Variants in NAA11 observed in about 807,000 individuals in gnomAD.
NAA11 encodes the protein N-alpha-acetyltransferase 11.
A neutral mutation model predicts 16.1 loss-of-function variants in NAA11; 15 were observed. The observed-to-expected ratio is 0.93, with a 90% CI of 0.62 to 1.44. The LOEUF (loss-of-function observed/expected upper bound fraction) is 1.44. Ranked by LOEUF, NAA11 falls within the 40% of genes most tolerant of loss-of-function variation. The pLI, the probability that NAA11 is intolerant of heterozygous loss-of-function variation, is 0.00. For missense variants in NAA11, 298 were observed against 291.3 expected, an observed-to-expected ratio of 1.02 and a Z score of -0.17; for synonymous variants, 122 against 112.4, an observed-to-expected ratio of 1.09 and a Z score of -0.54.
At chr4:79,164,780 T>C in the NAA11 span, among the ~76,000 whole-genome samples, 4 of 152,186 alleles carry the variant, frequency 2.6e-5, no homozygotes, top group African/African-American at 9.7e-5. Context: ...GTTAACAGAA[T>C]GTATCTACCT....
intron 2 of NAA11, among the ~76,000 whole-genome samples, chr4:79,237,283 C>T (rs1721590425): frequency 6.6e-6 from 1 of 152,120 alleles, no homozygotes; most frequent in Non-Finnish European, 1.5e-5. Flanking sequence ...CTGAAAACAG[C>T]CACTCCTAGC....
At chr4:79,200,192 G>T in the NAA11 span, among the ~76,000 whole-genome samples, 147 of 151,894 alleles carry the variant, frequency 9.7e-4, no homozygotes, top group African/African-American at 3.4e-3. Flanking sequence ...AGTTCCTCCC[G>T]TTTTAAAATG....
chr4:79,237,560 C>T (rs1412332116), intron 2 of NAA11, among the ~76,000 whole-genome samples: 1 of 152,134 alleles, frequency 6.6e-6, no homozygotes, highest in Non-Finnish European at 1.5e-5. Flanking sequence ...ACACTGACAC[C>T]TATCACCTTT....
At chr4:79,310,112 T>C (rs1458484457) in intron 1 of NAA11, among the ~76,000 whole-genome samples, 1 of 152,192 alleles carries the variant, frequency 6.6e-6, no homozygotes, top group Non-Finnish European at 1.5e-5. Flanking sequence ...CATTCGTGCT[T>C]TTACTTGAGC....
chr4:79,303,081 T>TAG (rs1723450993), intron 1 of NAA11, among the ~76,000 whole-genome samples: 1 of 15,808 alleles, frequency 6.3e-5, no homozygotes, highest in African/African-American at 2.2e-4. Flanking sequence ...GCCTTTTATA[T>TAG]ATATATATAT....
At chr4:79,301,295 T>G (rs1723373809) in intron 1 of NAA11, among the ~76,000 whole-genome samples, 1 of 152,244 alleles carries the variant, frequency 6.6e-6, no homozygotes, top group African/African-American at 2.4e-5. Context: ...CTTGCTTCTC[T>G]ACCTTGTTGA....
At chr4:79,197,445 C>T in the NAA11 span, 1 of 152,034 alleles carries the variant, frequency 6.6e-6, no homozygotes, top group East Asian at 1.9e-4. Context: ...GTGAAGGGTA[C>T]TTTCTTATGC....
At chr4:79,161,307 G>A in the NAA11 span, among the ~76,000 whole-genome samples, 5,773 of 152,020 alleles carry the variant, frequency 0.038, 378 homozygotes, top group African/African-American at 0.13. Flanking sequence ...GAATCCTGGA[G>A]CCCTTGTCAA....
At chr4:79,318,944 G>A (rs1033132240) in intron 1 of NAA11, among the ~76,000 whole-genome samples, 3 of 151,850 alleles carry the variant, frequency 2.0e-5, no homozygotes, top group East Asian at 1.9e-4. Context: ...TTGAGACAGG[G>A]TCTTGCTCTG....
At chr4:79,251,067 C>T (rs75447493) in intron 2 of NAA11, among the ~76,000 whole-genome samples, 1,710 of 152,242 alleles carry the variant, frequency 0.011, 21 homozygotes, top group Non-Finnish European at 0.016. Flanking sequence ...AGCAGTTTGG[C>T]GAGTTCTCAA....
At chr4:79,293,716 G>C (rs1723144146) in intron 2 of NAA11, among the ~76,000 whole-genome samples, 1 of 152,148 alleles carries the variant, frequency 6.6e-6, no homozygotes, top group Non-Finnish European at 1.5e-5. Flanking sequence ...GAACAAGTGA[G>C]AAATCGAATG....
At chr4:79,315,001 G>T (rs1652176669), downstream of NAA11, among the ~76,000 whole-genome samples, 1 of 151,898 alleles carries the variant, frequency 6.6e-6, no homozygotes. Flanking sequence ...TTAAGAAGGG[G>T]AATCTGAATT....
chr4:79,236,184 A>G (rs185518155), intron 2 of NAA11, among the ~76,000 whole-genome samples: 1 of 152,306 alleles, frequency 6.6e-6, no homozygotes, highest in Admixed American at 6.5e-5. Context: ...ATGCAAAGAC[A>G]AAGTATTGAC....
At chr4:79,283,773 T>C (rs1024997165) in intron 2 of NAA11, among the ~76,000 whole-genome samples, 1 of 152,138 alleles carries the variant, frequency 6.6e-6, no homozygotes, top group African/African-American at 2.4e-5. Context: ...AGGAGAGATA[T>C]AATTTTGCAA....
In NAA11 at chr4:79,285,846, A is replaced by G. The variant is rs4246720; in HGVS notation, c.*122+8159T>C. Among the ~76,000 whole-genome samples, 1,296 of 152,162 alleles carry G rather than the reference A, an allele frequency of 8.5e-3. 18 individuals carry two copies. The highest frequency in any genetic ancestry group is 0.03 in the African/African-American group (1,252 of 41,532). On this transcript the variant is annotated intron_variant and NMD_transcript_variant, in intron 2 of 2. Coordinates refer to the NAA11 transcript ENST00000511542. ...GGCTGTTAATAATACAAACACTTCA[A>G]TGTTGGAAGCTTTGGTAGAATGATA...
intron 2 of NAA11, among the ~76,000 whole-genome samples, chr4:79,248,121 G>C (rs1696816128): frequency 6.6e-6 from 1 of 152,130 alleles, no homozygotes; most frequent in Admixed American, 6.5e-5. Context: ...CTAGGGCCCT[G>C]GCCTGACCAC....
At chr4:79,248,584 A>G (rs112816478) in intron 2 of NAA11, among the ~76,000 whole-genome samples, 8,303 of 152,182 alleles carry the variant, frequency 0.055, 762 homozygotes, top group African/African-American at 0.19. Context: ...CACTTTCACC[A>G]GTGCTCTACC....
intron 2 of NAA11, among the ~76,000 whole-genome samples, chr4:79,269,633 T>G (rs1166149397): frequency 1.3e-5 from 2 of 149,300 alleles, no homozygotes; most frequent in Non-Finnish European, 3.0e-5. Flanking sequence ...TTGTGAAAAT[T>G]TTCTCCCATT....
rs1329414540 is a variant in NAA11 at position 79,319,456 on chromosome 4, C to T, written c.*13-1665G>A. The stretch of plus-strand genomic sequence containing the variant: ...TTTCAGAAAGGCTTTTATGGTGGCT[C>T]TTTGAATCATTGCCCATTCAAAGAA... On this transcript the variant is annotated intron_variant, in intron 1 of 1. Transcript: ENST00000286794. Among the ~76,000 whole-genome samples, 3 of 152,268 alleles carry T rather than the reference C, an allele frequency of 2.0e-5. No individual in the cohort carries two copies. In the East Asian group the frequency reaches 5.8e-4, roughly 29 times the overall value.
Sources: allele counts gnomAD v4.1 joint callset (sites outside exome capture counted in the v4.1 genomes callset), GRCh38; gene constraint gnomAD v4.1.1; transcripts MANE v1.5; gene names NCBI Gene and HGNC (gene_info 2026-07-23, HGNC 2026-07-21).